The following CDCA7L variants were observed in gnomAD, a reference collection of about 807,000 sequenced individuals.
CDCA7L encodes cell division cycle-associated 7-like protein.
CDCA7L carries 44 observed loss-of-function variants against 57.4 expected under a neutral mutation model. The observed-to-expected ratio is 0.77, with a 90% CI of 0.60 to 0.98. The LOEUF (loss-of-function observed/expected upper bound fraction) is 0.98. Ranked by LOEUF, CDCA7L falls within the 50% of genes least tolerant of loss-of-function variation. CDCA7L has a pLI of 0.00. For missense variants in CDCA7L, 644 were observed against 580.6 expected (o/e 1.11, Z -1.12); for synonymous variants, 236 against 202.8 (o/e 1.16, Z -1.39).
chr7:21,915,635 TAAAAA>T (rs35601553), intron 2 of CDCA7L, among the ~76,000 whole-genome samples: 4 of 88,332 alleles, frequency 4.5e-5, no homozygotes, highest in East Asian at 2.9e-4. Context: ...CCATCACTAC[TAAAAA>T]AAAAAAAAAA....
intron 2 of CDCA7L, 28 bp from the exon 3 acceptor site, chr7:21,911,782 G>C (rs771845363): frequency 5.0e-6 from 8 of 1,603,614 alleles, no homozygotes; most frequent in Admixed American, 3.4e-5. Context: ...ATACATCAGA[G>C]ACGGAAAGTA....
chr7:21,905,539 T>A lies in CDCA7L; in HGVS notation c.1014A>T (p.Ile338=). Reference sequence around the variant, plus strand: ...TATCATAGATTTTATCTCGAACAGTTATGGCAACATTTTCTAAGTCCTCTT... The same window carrying A: ...TATCATAGATTTTATCTCGAACAGTAATGGCAACATTTTCTAAGTCCTCTT... ...ITEEDLENVA[I]TVRDKIYDKV... Residue 338 remains isoleucine, a synonymous_variant, in exon 7 of 10, where the codon ATA becomes ATT. Coordinates refer to ENST00000406877, the MANE Select transcript of CDCA7L (RefSeq NM_018719.5). 1 of 1,613,984 alleles carries A rather than the reference T, an allele frequency of 6.2e-7. No individual in the cohort carries two copies. Among genetic ancestry groups the A allele is most frequent in the Non-Finnish European group, 8.5e-7 (1 of 1,179,996 alleles).
At chr7:21,935,735 G>A (rs774172085) in intron 1 of CDCA7L, among the ~76,000 whole-genome samples, 57 of 152,172 alleles carry the variant, frequency 3.7e-4, no homozygotes, top group Non-Finnish European at 6.8e-4. Context: ...CTGGCCAGGC[G>A]CTGTGGCTCA....
At chr7:21,940,484 GA>G (rs1254892266) in intron 1 of CDCA7L, among the ~76,000 whole-genome samples, 1 of 152,208 alleles carries the variant, frequency 6.6e-6, no homozygotes, top group Non-Finnish European at 1.5e-5. Flanking sequence ...GAGAGCTGAT[GA>G]AAACTGAGTC....
At chr7:21,912,968 C>T (rs1477557704) in intron 2 of CDCA7L, among the ~76,000 whole-genome samples, 1 of 152,052 alleles carries the variant, frequency 6.6e-6, no homozygotes. Context: ...CGAGACCAGC[C>T]CCCTGCAAGC....
chr7:21,918,808 TG>T (rs1785569018), intron 1 of CDCA7L, among the ~76,000 whole-genome samples: 1 of 152,188 alleles, frequency 6.6e-6, no homozygotes, highest in African/African-American at 2.4e-5. Flanking sequence ...GGAATCAGCC[TG>T]ATTTGTTCTT....
At chr7:21,942,308 T>C (rs1261513449) in intron 1 of CDCA7L, among the ~76,000 whole-genome samples, 1 of 152,222 alleles carries the variant, frequency 6.6e-6, no homozygotes, top group African/African-American at 2.4e-5. Context: ...TTTCTGAGTG[T>C]TAACTTCAGT....
chr7:21,921,119 A>G (rs1378371231), intron 1 of CDCA7L, among the ~76,000 whole-genome samples: 1 of 152,082 alleles, frequency 6.6e-6, no homozygotes, highest in Non-Finnish European at 1.5e-5. Context: ...GTTCAGCCCC[A>G]CCACTGCTGC....
chr7:21,915,668 C>A (rs1372431518), intron 2 of CDCA7L, among the ~76,000 whole-genome samples: 1 of 144,396 alleles, frequency 6.9e-6, no homozygotes, highest in Non-Finnish European at 1.5e-5. Flanking sequence ...AACACACACA[C>A]ACACACAAAT....
intron 1 of CDCA7L, among the ~76,000 whole-genome samples, chr7:21,934,219 T>TAG (rs1055262679): frequency 7.3e-4 from 111 of 152,304 alleles, no homozygotes; most frequent in Middle Eastern, 3.4e-3. Context: ...TAAAAATACT[T>TAG]ACGAATCTGT....
At chr7:21,939,562 G>T (rs1786278155) in intron 1 of CDCA7L, among the ~76,000 whole-genome samples, 1 of 152,184 alleles carries the variant, frequency 6.6e-6, no homozygotes, top group Non-Finnish European at 1.5e-5. Flanking sequence ...AGGGAGGTCA[G>T]CAGATAGAAC....
intron 1 of CDCA7L, among the ~76,000 whole-genome samples, chr7:21,937,058 G>A (rs1786189933): frequency 1.3e-5 from 2 of 152,060 alleles, no homozygotes; most frequent in African/African-American, 4.8e-5. Context: ...AATGGCATCA[G>A]AATAATAAAG....
chr7:21,901,757 CTCCAGTG>C lies in CDCA7L; in HGVS notation c.*558_*564del, dbSNP rs113860457. On this transcript the variant is annotated 3_prime_UTR_variant, in exon 10 of 10. Transcript: ENST00000406877. ...GGAAGAGGCTAGCACTCTGTAAGGC[CTCCAGTG>C]TCCAGTGTCTACAATGTTGATGGTC... The C allele has an allele frequency of 0.77, 120,953 of 157,990 alleles. 49,701 individuals are homozygous for C. Among genetic ancestry groups the C allele is most frequent in the Non-Finnish European group, 0.92 (65,445 of 71,288 alleles). 9.8% of individuals were successfully genotyped at this position (157,990 alleles called of 1,614,324 possible). A position where few individuals can be genotyped will look rare whatever the true frequency, so the allele number is the denominator to read the frequency against.
At chr7:21,904,795 CAT>C (rs1334301978) in intron 7 of CDCA7L, among the ~76,000 whole-genome samples, 4 of 108,562 alleles carry the variant, frequency 3.7e-5, no homozygotes, top group Admixed American at 8.5e-5. Flanking sequence ...GCCAGAGAAA[CAT>C]ATTAGGTCAG....
At chr7:21,938,784 T>G (rs1404355837) in intron 1 of CDCA7L, among the ~76,000 whole-genome samples, 1 of 152,110 alleles carries the variant, frequency 6.6e-6, no homozygotes, top group Non-Finnish European at 1.5e-5. Flanking sequence ...ACAGGAGGAT[T>G]GCTTGAGCCC....
chr7:21,925,038 C>T (rs1454124745), intron 1 of CDCA7L, among the ~76,000 whole-genome samples: 1 of 152,086 alleles, frequency 6.6e-6, no homozygotes, highest in Non-Finnish European at 1.5e-5. Context: ...AAGTAGATCA[C>T]TGACCATGTA....
intron 1 of CDCA7L, among the ~76,000 whole-genome samples, chr7:21,933,044 G>GAAA (rs900240047): frequency 6.6e-6 from 1 of 151,532 alleles, no homozygotes; most frequent in African/African-American, 2.4e-5. Context: ...ACAAACATAT[G>GAAA]AAAAAAAGCT....
chr7:21,925,686 T>C (rs1235260161), intron 1 of CDCA7L, among the ~76,000 whole-genome samples: 2 of 151,972 alleles, frequency 1.3e-5, no homozygotes, highest in African/African-American at 4.8e-5. Flanking sequence ...GCCTAGGAGT[T>C]CAAGACTAGC....
At chr7:21,919,805 CA>C (rs2128063121) in intron 1 of CDCA7L, among the ~76,000 whole-genome samples, 1 of 152,186 alleles carries the variant, frequency 6.6e-6, no homozygotes, top group South Asian at 2.1e-4. Context: ...AATATACTAC[CA>C]ACAACAAACA....
Sources: allele counts gnomAD v4.1 joint callset (sites outside exome capture counted in the v4.1 genomes callset), GRCh38; gene constraint gnomAD v4.1.1; transcripts MANE v1.5; gene names NCBI Gene and HGNC (gene_info 2026-07-23, HGNC 2026-07-21).